Variants in CSMD1 observed in about 807,000 individuals in gnomAD.
The protein encoded by CSMD1 is CUB and Sushi multiple domains 1, also known as CUB and sushi domain-containing protein 1.
Under a neutral mutation model 417.5 loss-of-function variants are expected in CSMD1, and 213 were observed. The observed-to-expected ratio is 0.51, with a 90% CI of 0.46 to 0.57. CSMD1 has a LOEUF of 0.57. Among genes scored for constraint, CSMD1 ranks in the 20% least tolerant of loss-of-function variants. The probability of loss-of-function intolerance (pLI) is 0.00; values close to 1 mark genes in which losing one functional copy is unlikely to be tolerated. For synonymous variants in CSMD1, 2,862 were observed against 1,736.8 expected, an observed-to-expected ratio of 1.65 and a Z score of -16.11; for missense variants, 6,923 against 4,529.7, an observed-to-expected ratio of 1.53 and a Z score of -15.17.
At chr8:3,418,528 C>G (rs183591287) in intron 12 of CSMD1, among the ~76,000 whole-genome samples, 117 of 152,190 alleles carry the variant, frequency 7.7e-4, no homozygotes, top group Non-Finnish European at 1.2e-3. Flanking sequence ...CCCTGACGGT[C>G]CCGCTGATCT....
intron 11 of CSMD1, among the ~76,000 whole-genome samples, chr8:3,490,934 A>G (rs1219011831): frequency 6.6e-6 from 1 of 152,222 alleles, no homozygotes; most frequent in Non-Finnish European, 1.5e-5. Flanking sequence ...AAGGGTGCAG[A>G]AAAATAGGAT....
intron 10 of CSMD1, among the ~76,000 whole-genome samples, chr8:3,505,190 G>C (rs567746778): frequency 1.3e-5 from 2 of 152,112 alleles, no homozygotes; most frequent in Non-Finnish European, 2.9e-5. Context: ...TAAAAAATGA[G>C]AGACTGGGAA....
chr8:3,824,030 C>G (rs1801899982), intron 5 of CSMD1, among the ~76,000 whole-genome samples: 1 of 152,240 alleles, frequency 6.6e-6, no homozygotes, highest in African/African-American at 2.4e-5. Context: ...AATATTCCCT[C>G]TGCCCAAAAG....
At chr8:4,356,951 T>C (rs1171297187) in intron 3 of CSMD1, among the ~76,000 whole-genome samples, 9 of 152,200 alleles carry the variant, frequency 5.9e-5, no homozygotes, top group Admixed American at 1.3e-4. Flanking sequence ...TGAAATATAA[T>C]AGCAACTGAA....
At chr8:3,587,568 G>C (rs1433525298) in intron 8 of CSMD1, among the ~76,000 whole-genome samples, 1 of 152,068 alleles carries the variant, frequency 6.6e-6, no homozygotes, top group Non-Finnish European at 1.5e-5. Flanking sequence ...TATAATATCA[G>C]AGTGAATATC....
chr8:4,131,559 T>C (rs1803105206), intron 3 of CSMD1, among the ~76,000 whole-genome samples: 1 of 152,158 alleles, frequency 6.6e-6, no homozygotes, highest in African/African-American at 2.4e-5. Flanking sequence ...GTAGAAAATA[T>C]TTTTCTCATA....
chr8:3,364,004 T>C (rs1159742535), intron 20 of CSMD1, among the ~76,000 whole-genome samples: 1 of 152,212 alleles, frequency 6.6e-6, no homozygotes, highest in African/African-American at 2.4e-5. Context: ...AACACTGCTT[T>C]AATAAGGCCT....
chr8:4,569,880 A>C (rs538647980), intron 2 of CSMD1, among the ~76,000 whole-genome samples: 1 of 152,028 alleles, frequency 6.6e-6, no homozygotes, highest in Non-Finnish European at 1.5e-5. Context: ...TTGTATTCCT[A>C]GATATTTTAT....
At chr8:4,623,555 A>G (rs143315291) in intron 2 of CSMD1, among the ~76,000 whole-genome samples, 1 of 152,066 alleles carries the variant, frequency 6.6e-6, no homozygotes, top group Admixed American at 6.6e-5. Flanking sequence ...TATTTCTAAT[A>G]GCTAAAAACA....
At chr8:4,727,300 G>C (rs1044589410) in intron 1 of CSMD1, among the ~76,000 whole-genome samples, 2 of 152,164 alleles carry the variant, frequency 1.3e-5, no homozygotes, top group Non-Finnish European at 1.5e-5. Context: ...CAATAATTAA[G>C]TAATTTAATT....
intron 2 of CSMD1, among the ~76,000 whole-genome samples, chr8:4,430,908 T>A (rs746986548): frequency 5.3e-5 from 8 of 152,184 alleles, no homozygotes; most frequent in Non-Finnish European, 7.3e-5. Flanking sequence ...ATGGTAAGGA[T>A]CCATAAATTA....
intron 3 of CSMD1, among the ~76,000 whole-genome samples, chr8:4,348,649 G>C (rs1800915411): frequency 7.6e-6 from 1 of 132,340 alleles, no homozygotes; most frequent in Non-Finnish European, 1.6e-5. Flanking sequence ...GAGGGAGGGG[G>C]AGAGAGAGAG....
chr8:4,356,128 C>A (rs960636803), intron 3 of CSMD1, among the ~76,000 whole-genome samples: 20 of 152,134 alleles, frequency 1.3e-4, no homozygotes, highest in Admixed American at 4.6e-4. Flanking sequence ...CCCTCAAGTT[C>A]CCAAAGTCCA....
intron 6 of CSMD1, among the ~76,000 whole-genome samples, chr8:3,727,889 C>T (rs750966683): frequency 4.6e-5 from 7 of 152,064 alleles, no homozygotes; most frequent in East Asian, 1.9e-4. Context: ...ATGATTTCAT[C>T]GATAATTAGA....
chr8:4,473,703 G>A (rs899940911), intron 2 of CSMD1, among the ~76,000 whole-genome samples: 3 of 152,136 alleles, frequency 2.0e-5, no homozygotes, highest in Non-Finnish European at 2.9e-5. Flanking sequence ...AATGATGTAA[G>A]GTATGCAGGA....
chr8:4,435,660 C>G (rs890650940), intron 2 of CSMD1, among the ~76,000 whole-genome samples: 21 of 152,170 alleles, frequency 1.4e-4, no homozygotes, highest in African/African-American at 5.1e-4. Flanking sequence ...AAGGGGATTT[C>G]CTGTGAGGTC....
chr8:3,048,589 T>C (rs897988880), intron 50 of CSMD1, among the ~76,000 whole-genome samples: 3 of 152,230 alleles, frequency 2.0e-5, no homozygotes, highest in Non-Finnish European at 4.4e-5. Context: ...TAATCCATTA[T>C]GTATCACACA....
intron 23 of CSMD1, among the ~76,000 whole-genome samples, chr8:3,310,114 A>C (rs941497894): frequency 6.6e-6 from 1 of 152,206 alleles, no homozygotes; most frequent in Non-Finnish European, 1.5e-5. Flanking sequence ...GGGAGGTAGA[A>C]ATTAGGGGGA....
At chr8:3,324,912 C>T (rs1021803972) in intron 23 of CSMD1, among the ~76,000 whole-genome samples, 2 of 151,958 alleles carry the variant, frequency 1.3e-5, no homozygotes, top group African/African-American at 4.8e-5. Flanking sequence ...AGTTGCCTGG[C>T]ACTGGAATTT....
Sources: gnomAD v4.1 joint callset for allele counts (sites outside exome capture counted in the v4.1 genomes callset) on GRCh38, gnomAD v4.1.1 for gene constraint, MANE v1.5 for transcripts, NCBI Gene and HGNC (gene_info 2026-07-23, HGNC 2026-07-21) for gene names.